MICAL2: variants seen among roughly 807,000 people sequenced by gnomAD.
The protein encoded by MICAL2 is [F-actin]-monooxygenase MICAL2.
MICAL2 carries 77 observed loss-of-function variants against 127.3 expected under a neutral mutation model. That is an observed-to-expected ratio of 0.60 (90% CI 0.50 to 0.73). The LOEUF (loss-of-function observed/expected upper bound fraction) is 0.73. Ranked by LOEUF, MICAL2 falls within the 30% of genes least tolerant of loss-of-function variation. The pLI is 0.00. For missense variants in MICAL2, 1,351 were observed against 1,434.4 expected, an observed-to-expected ratio of 0.94 and a Z score of 0.94; for synonymous variants, 570 against 551.1, an observed-to-expected ratio of 1.03 and a Z score of -0.48.
intron 3 of MICAL2, among the ~76,000 whole-genome samples, chr11:12,182,151 A>C (rs944053658): frequency 6.6e-6 from 1 of 152,238 alleles, no homozygotes; most frequent in Non-Finnish European, 1.5e-5. Context: ...TAGCTATGCT[A>C]GATCTGTTAA....
At chr11:12,297,933 T>C (rs1864005645) in intron 29 of MICAL2, among the ~76,000 whole-genome samples, 1 of 151,790 alleles carries the variant, frequency 6.6e-6, no homozygotes, top group East Asian at 1.9e-4. Flanking sequence ...ATTTTTTTAT[T>C]TTAGGTATTT....
intron 1 of MICAL2, chr11:12,117,010 A>G (rs897259357): frequency 6.6e-6 from 1 of 152,168 alleles, no homozygotes; most frequent in Non-Finnish European, 1.5e-5. Flanking sequence ...GGGTCAGGGT[A>G]ATTTCCCTGC....
chr11:12,328,115 C>T (rs1864375089), intron 32 of MICAL2, among the ~76,000 whole-genome samples: 1 of 152,102 alleles, frequency 6.6e-6, no homozygotes, highest in East Asian at 1.9e-4. Context: ...GTAACTTTTC[C>T]AGTAATAGCT....
intron 7 of MICAL2, among the ~76,000 whole-genome samples, chr11:12,214,037 A>G (rs1189838975): frequency 6.6e-6 from 1 of 152,210 alleles, no homozygotes; most frequent in Non-Finnish European, 1.5e-5. Context: ...CTAGGGCTTG[A>G]GAATGAGCAG....
intron 2 of MICAL2, among the ~76,000 whole-genome samples, chr11:12,158,830 C>G (rs1175694709): frequency 6.6e-6 from 1 of 152,172 alleles, no homozygotes. Flanking sequence ...GGTAACTTGC[C>G]TAGGGTCACA....
chr11:12,157,061 G>T (rs1854270041), intron 2 of MICAL2, among the ~76,000 whole-genome samples: 1 of 152,204 alleles, frequency 6.6e-6, no homozygotes, highest in Non-Finnish European at 1.5e-5. Flanking sequence ...CTCAAGGGTG[G>T]GTTGAAAAAT....
In MICAL2 at chr11:12,216,222, T is replaced by C. The variant is rs202049220; in HGVS notation, c.851T>C (p.Ile284Thr). ...TTGTGAATGCTTCTCTTTTCAGGCATAGATCTTGAGAACATTGTTTACTAC... is the reference window on the plus strand; with the variant it reads ...TTGTGAATGCTTCTCTTTTCAGGCACAGATCTTGAGAACATTGTTTACTAC... ...FFQDLKEETG[I>T]DLENIVYYKD... The change falls in exon 8 of 28, where the codon ATA becomes ACA. Residue 284 changes from isoleucine (I) to threonine (T), a missense_variant. Physicochemically the swap from Ile to Thr is moderately conservative, Grantham distance 89 (BLOSUM62 -1). Transcript: ENST00000683283. 3 of 1,610,606 alleles carry C rather than the reference T, an allele frequency of 1.9e-6. No individual in the cohort carries two copies. The highest frequency in any genetic ancestry group is 2.5e-6 in the Non-Finnish European group (3 of 1,176,822).
upstream of MICAL2, among the ~76,000 whole-genome samples, chr11:12,273,683 A>G (rs1040135202): frequency 6.6e-6 from 1 of 152,154 alleles, no homozygotes; most frequent in Admixed American, 6.5e-5. Flanking sequence ...CACATGGGTA[A>G]AAAGATGAGA....
chr11:12,334,817 G>A (rs1421174388), intron 32 of MICAL2, among the ~76,000 whole-genome samples: 1 of 151,882 alleles, frequency 6.6e-6, no homozygotes, highest in African/African-American at 2.4e-5. Context: ...AGTATTCCAT[G>A]GTGTATATGT....
At chr11:12,277,321 A>G (rs748851863) in intron 1 of MICAL2, among the ~76,000 whole-genome samples, 2 of 152,068 alleles carry the variant, frequency 1.3e-5, no homozygotes, top group Non-Finnish European at 2.9e-5. Context: ...CTCCAGTGCC[A>G]TCTGATTGGC....
intron 3 of MICAL2, among the ~76,000 whole-genome samples, chr11:12,175,666 T>A (rs533877514): frequency 6.6e-5 from 10 of 151,926 alleles, no homozygotes; most frequent in Middle Eastern, 3.4e-3. Flanking sequence ...GAGAGTAGGT[T>A]GCTGTTTGAT....
At chr11:12,127,026 G>T (rs992945600) in intron 1 of MICAL2, among the ~76,000 whole-genome samples, 1 of 152,204 alleles carries the variant, frequency 6.6e-6, no homozygotes, top group African/African-American at 2.4e-5. Context: ...TTGAAGGTGG[G>T]CAGCGGGAAA....
At chr11:12,114,559 C>T (rs1471701667) in intron 1 of MICAL2, among the ~76,000 whole-genome samples, 3 of 152,190 alleles carry the variant, frequency 2.0e-5, no homozygotes, top group Non-Finnish European at 2.9e-5. Flanking sequence ...CCCCTTAAGA[C>T]GAGCCCACCT....
At chr11:12,132,727 A>G (rs190476101) in intron 1 of MICAL2, among the ~76,000 whole-genome samples, 2 of 152,256 alleles carry the variant, frequency 1.3e-5, no homozygotes, top group African/African-American at 4.8e-5. Flanking sequence ...CTCTGCCAAG[A>G]GCTTTTCTTC....
At chr11:12,309,936 T>C (rs1454275798) in intron 29 of MICAL2, among the ~76,000 whole-genome samples, 1 of 152,214 alleles carries the variant, frequency 6.6e-6, no homozygotes, top group Non-Finnish European at 1.5e-5. Context: ...TTAGTGATGC[T>C]GAGTATTTTT....
intron 13 of MICAL2, chr11:12,225,861 A>G (rs1857367666): frequency 3.1e-6 from 1 of 327,190 alleles, no homozygotes; most frequent in African/African-American, 2.1e-5. Context: ...TTAAAAAGAA[A>G]AAAAGTAAGG....
chr11:12,156,760 G>T (rs542635669), intron 2 of MICAL2, among the ~76,000 whole-genome samples: 2 of 152,336 alleles, frequency 1.3e-5, no homozygotes, highest in South Asian at 4.1e-4. Context: ...AAGGCATCTC[G>T]CACTGCTGAG....
At chr11:12,168,285 AC>A (rs1413001128) in intron 3 of MICAL2, among the ~76,000 whole-genome samples, 12 of 151,530 alleles carry the variant, frequency 7.9e-5, no homozygotes, top group Non-Finnish European at 1.8e-4. Flanking sequence ...ACACACATAC[AC>A]ACACGCCACA....
intron 6 of MICAL2, among the ~76,000 whole-genome samples, chr11:12,210,011 C>T (rs947039285): frequency 2.0e-5 from 3 of 152,272 alleles, no homozygotes; most frequent in East Asian, 1.9e-4. Flanking sequence ...CTAAGATAAA[C>T]ATTTTTATAA....
Sources: gnomAD v4.1 joint callset for allele counts (sites outside exome capture counted in the v4.1 genomes callset) on GRCh38, gnomAD v4.1.1 for gene constraint, MANE v1.5 for transcripts, NCBI Gene and HGNC (gene_info 2026-07-23, HGNC 2026-07-21) for gene names.